Variants in ITGB5 observed in about 807,000 individuals in gnomAD.
The protein encoded by ITGB5 is integrin beta-5.
A neutral mutation model predicts 84.8 loss-of-function variants in ITGB5; 38 were observed. The ratio of observed to expected loss-of-function variants is 0.45; its 90% CI spans 0.35 to 0.59. The LOEUF is 0.59. ITGB5 is among the 20% of genes least tolerant of loss of function. The pLI, the probability that ITGB5 is intolerant of heterozygous loss-of-function variation, is 0.01. For missense variants in ITGB5, 905 were observed against 1,034.5 expected (o/e 0.87, Z 1.72); for synonymous variants, 393 against 414.4 (o/e 0.95, Z 0.63).
In ITGB5 at chr3:124,864,050, AAAAG is replaced by A. The variant is rs375316276; in HGVS notation, c.157-4608_157-4605del. ...AAAGAAAGAAAGAAAAGAAAAAAGA[AAAAG>A]AAAGAAAGAAAGAAAGAAAAAATGT... On this transcript the variant is annotated intron_variant, in intron 2 of 14. Transcript: ENST00000296181. 1.0e-3 allele frequency among the ~76,000 whole-genome samples: 144 copies of A among 137,794 alleles called. 1 individual carries two copies. In the East Asian group the frequency reaches 0.011, roughly 10 times the overall value. 90.4% of individuals were successfully genotyped at this position (137,794 alleles called of 152,430 possible).
At chr3:124,764,229 T>C (rs1307515695) in intron 14 of ITGB5, among the ~76,000 whole-genome samples, 162 bp downstream of exon 14, 1 of 152,212 alleles carries the variant, frequency 6.6e-6, no homozygotes, top group East Asian at 1.9e-4. Context: ...ACTGGGGCTG[T>C]GCAATTCTCT....
At chr3:124,890,480 T>C (rs1461240779), upstream of ITGB5, among the ~76,000 whole-genome samples, 2 of 152,204 alleles carry the variant, frequency 1.3e-5, no homozygotes. Context: ...GCTGGGGGCA[T>C]GAGCCACCGC....
Position 124,796,607 on chromosome 3 carries a change from C to T in ITGB5, c.1474G>A (p.Gly492Ser), listed in dbSNP as rs146544547. The T allele has an allele frequency of 2.6e-3, 4,222 of 1,614,138 alleles. 22 individuals carry two copies. The highest frequency in any genetic ancestry group is 7.1e-3 in the Middle Eastern group (43 of 6,058). ...CACTCGCACCTGGTGCCCAGGTAGC[C>T]GGGGCTGCACTCACACAGGCCGCAG... is the stretch of plus-strand genomic sequence containing the variant. ...YVCGLCECSP[G>S]YLGTRCECQD... The change falls in exon 10 of 15, where the codon GGC (glycine) becomes AGC (serine). Residue 492 changes from glycine to serine, a missense_variant. Transcript: ENST00000296181.
intron 5 of ITGB5, among the ~76,000 whole-genome samples, chr3:124,827,983 C>G (rs796094680): frequency 2.0e-5 from 3 of 151,846 alleles, no homozygotes; most frequent in Non-Finnish European, 4.4e-5. Context: ...CAGCACCCCC[C>G]CAACGCCCCC....
upstream of ITGB5, chr3:124,887,658 C>A (rs572493398): frequency 2.2e-6 from 1 of 448,096 alleles, no homozygotes; most frequent in Admixed American, 2.4e-5. Flanking sequence ...CTTAGCCGCC[C>A]GTCGCCACGG....
At position 124,773,749 on chromosome 3, in the gene ITGB5, C is replaced by T. The variant is rs1286293105; in HGVS notation, c.1857G>A (p.Gly619=). 26 of 1,612,738 alleles carry T rather than the reference C, an allele frequency of 1.6e-5. No homozygotes were observed. The highest frequency in any genetic ancestry group is 2.1e-5 in the Non-Finnish European group (25 of 1,180,036). ...LCGQCQCTEP[G]AFGEMCEKCP... ...ACTTCTCACACATCTCCCCAAAGGC[C>T]CCCGGCTCCGTGCATTGGCACTGCC... Residue 619 remains glycine (G), a synonymous_variant, in exon 11 of 15, where the codon GGG becomes GGA. Transcript: ENST00000296181.
At chr3:124,798,638 C>G (rs1475970695) in intron 9 of ITGB5, among the ~76,000 whole-genome samples, 5 of 152,148 alleles carry the variant, frequency 3.3e-5, no homozygotes, top group Non-Finnish European at 1.5e-5. Flanking sequence ...GTTGGCCAGG[C>G]TGGTCTCAAA....
intron 2 of ITGB5, among the ~76,000 whole-genome samples, chr3:124,868,888 AAG>A (rs775679992): frequency 2.0e-5 from 3 of 152,114 alleles, no homozygotes; most frequent in Non-Finnish European, 4.4e-5. Flanking sequence ...AGAGCCAACT[AAG>A]AGAGAACCAG....
Position 124,764,543 on chromosome 3 carries a change from G to A in ITGB5, c.2152C>T (p.Pro718Ser), listed in dbSNP as rs2063740086. The A allele has an allele frequency of 1.2e-6, 2 of 1,612,024 alleles. No homozygotes were observed. Among genetic ancestry groups the A allele is most frequent in the Admixed American group, 3.3e-5 (2 of 59,962 alleles). The change falls in exon 14 of 15, where the codon CCC (proline) becomes TCC (serine). Residue 718 changes from proline (P) to serine (S), a missense_variant. This residue lies in a region of ITGB5 where 133 missense variants were observed against 122.8 expected (regional missense o/e 1.08). Transcript: ENST00000296181. ...GCCAGGAGGATGGTCATGGCGTTGGGGGTGTTTCCACACTCTGGGGGGACC... is the reference window on the plus strand; with the variant it reads ...GCCAGGAGGATGGTCATGGCGTTGGAGGTGTTTCCACACTCTGGGGGGACC... Reference protein sequence around the residue: ...VLREPECGNTPNAMTILLAVV... With the variant: ...VLREPECGNTSNAMTILLAVV...
intron 3 of ITGB5, among the ~76,000 whole-genome samples, chr3:124,849,651 A>C (rs186205626): frequency 3.9e-5 from 6 of 152,310 alleles, no homozygotes; most frequent in African/African-American, 1.4e-4. Context: ...ACCAGCTACA[A>C]TAAGATAGCC....
intron 13 of ITGB5, among the ~76,000 whole-genome samples, chr3:124,765,040 T>C (rs770783073): frequency 7.2e-5 from 11 of 152,168 alleles, no homozygotes; most frequent in South Asian, 2.1e-4. Context: ...AGACACAGCA[T>C]TGGAAACAAA....
At chr3:124,850,877 G>C (rs1385583791) in intron 3 of ITGB5, among the ~76,000 whole-genome samples, 1 of 152,130 alleles carries the variant, frequency 6.6e-6, no homozygotes, top group Non-Finnish European at 1.5e-5. Flanking sequence ...GGGCAGGGAA[G>C]AGGGGGGAGT....
intron 14 of ITGB5, 148 bp from the exon 15 acceptor site, chr3:124,763,866 G>A (rs2063729249): frequency 3.5e-6 from 2 of 576,402 alleles, no homozygotes; most frequent in Non-Finnish European, 6.3e-6. Flanking sequence ...GTGGGCTCTA[G>A]GACAGCTCTG....
intron 8 of ITGB5, among the ~76,000 whole-genome samples, chr3:124,815,380 TG>T (rs927682564): frequency 1.3e-5 from 2 of 152,190 alleles, no homozygotes; most frequent in African/African-American, 4.8e-5. Flanking sequence ...ATTCAGGAGG[TG>T]GCTGACAATG....
Position 124,848,448 on chromosome 3 carries a change from G to A in ITGB5, c.472C>T (p.Arg158Trp), listed in dbSNP as rs757804776. ...TCCGCGAGTTTGGTGCCCAGGCTCC[G>A]GATATTGTCCAAGTCATCCTTCATG... ...LSMKDDLDNI[R>W]SLGTKLAEEM... Residue 158 changes from arginine (R) to tryptophan (W), a missense_variant, in exon 4 of 15, where the codon CGG (arginine) becomes TGG (tryptophan). By Grantham distance (101) the Arg-to-Trp change is moderately radical (BLOSUM62 -3). Around this residue, in one of 3 missense-constraint regions of ITGB5, gnomAD observed 656 missense variants for 734.7 expected, o/e 0.89. Transcript: ENST00000296181. 1.2e-5 allele frequency: 20 copies of A among 1,614,024 alleles called. No individual in the cohort carries two copies. Among genetic ancestry groups the A allele is most frequent in the African/African-American group, 6.7e-5 (5 of 74,912 alleles).
chr3:124,846,335 C>T (rs1057338665), intron 4 of ITGB5, among the ~76,000 whole-genome samples: 9 of 150,738 alleles, frequency 6.0e-5, no homozygotes, highest in African/African-American at 2.0e-4. Context: ...TTGAGAATGG[C>T]ATCACAAGAT....
chr3:124,769,421 T>C (rs1263082522), intron 11 of ITGB5: 2 of 270,862 alleles, frequency 7.4e-6, no homozygotes, highest in Admixed American at 5.1e-5. Context: ...TGGTGAGGAG[T>C]CTGCTCCAAG....
intron 8 of ITGB5, among the ~76,000 whole-genome samples, chr3:124,816,128 G>A (rs1019775838): frequency 5.9e-5 from 9 of 152,172 alleles, no homozygotes; most frequent in Non-Finnish European, 1.2e-4. Flanking sequence ...GGGGAAGAAA[G>A]GGGGTAAAAA....
At chr3:124,809,841 C>T (rs2064470146) in intron 8 of ITGB5, among the ~76,000 whole-genome samples, 1 of 152,132 alleles carries the variant, frequency 6.6e-6, no homozygotes, top group Non-Finnish European at 1.5e-5. Context: ...TCTATTATTT[C>T]CCAACACTAA....
Sources: gnomAD v4.1 joint callset for allele counts (sites outside exome capture counted in the v4.1 genomes callset) on GRCh38, gnomAD v4.1.1 for gene constraint, gnomAD v4.1.1 regional missense constraint, MANE v1.5 for transcripts, NCBI Gene and HGNC (gene_info 2026-07-23, HGNC 2026-07-21) for gene names.